Variants in SLC1A1 observed in about 807,000 individuals in gnomAD.
The protein encoded by SLC1A1 is solute carrier family 1 member 1.
Under a neutral mutation model 53.3 loss-of-function variants are expected in SLC1A1, and 43 were observed. The observed-to-expected ratio is 0.81, with a 90% CI of 0.63 to 1.04. The LOEUF (loss-of-function observed/expected upper bound fraction) is 1.04, where lower values mean the gene tolerates loss of function less well. SLC1A1 is among the 50% of genes least tolerant of loss of function. The pLI is 0.00. For synonymous variants in SLC1A1, 307 were observed against 243.2 expected, an observed-to-expected ratio of 1.26 and a Z score of -2.44; for missense variants, 748 against 664.9, an observed-to-expected ratio of 1.12 and a Z score of -1.37.
chr9:4,585,961 T>C lies in SLC1A1; in HGVS notation c.*403T>C, dbSNP rs998510400. The C allele has an allele frequency of 5.0e-6, 1 of 200,026 alleles. No individual in the cohort carries two copies. Among genetic ancestry groups the C allele is most frequent in the South Asian group, 8.5e-5 (1 of 11,758 alleles). The allele number at this position is 200,026 out of a possible 1,614,324, so 12.4% of individuals were successfully genotyped here. On this transcript the variant is annotated 3_prime_UTR_variant, in exon 12 of 12. Transcript: ENST00000262352. ...TACAAATTTTTACTCAGGCTTTCTA[T>C]TGGCATGGATTTCCTTTGACCTCTC...
At chr9:4,578,012 G>A (rs930854660) in intron 10 of SLC1A1, among the ~76,000 whole-genome samples, 2 of 152,200 alleles carry the variant, frequency 1.3e-5, no homozygotes, top group African/African-American at 4.8e-5. Context: ...TAAATTGGTG[G>A]GTGGGGCTTA....
At chr9:4,541,319 C>A (rs1193810955) in intron 1 of SLC1A1, among the ~76,000 whole-genome samples, 1 of 152,220 alleles carries the variant, frequency 6.6e-6, no homozygotes, top group Non-Finnish European at 1.5e-5. Flanking sequence ...AAGTTAAGTA[C>A]TTGCTTCTAT....
At chr9:4,542,013 G>C (rs1172622780) in intron 1 of SLC1A1, among the ~76,000 whole-genome samples, 1 of 152,152 alleles carries the variant, frequency 6.6e-6, no homozygotes, top group Non-Finnish European at 1.5e-5. Flanking sequence ...TTGAGACCAA[G>C]ATAAAGCACA....
chr9:4,530,874 C>T (rs914227414), intron 1 of SLC1A1, among the ~76,000 whole-genome samples: 1 of 152,146 alleles, frequency 6.6e-6, no homozygotes, highest in African/African-American at 2.4e-5. Flanking sequence ...TACCTTAAAA[C>T]TTAAACCTAA....
intron 1 of SLC1A1, among the ~76,000 whole-genome samples, chr9:4,522,584 G>C (rs571697101): frequency 1.3e-5 from 2 of 152,130 alleles, no homozygotes; most frequent in Non-Finnish European, 2.9e-5. Context: ...AAATACCGGA[G>C]ACTGGGTAAT....
At chr9:4,536,725 C>T (rs963375973) in intron 1 of SLC1A1, among the ~76,000 whole-genome samples, 21 of 152,152 alleles carry the variant, frequency 1.4e-4, no homozygotes, top group Non-Finnish European at 2.6e-4. Flanking sequence ...ATCATGCTGC[C>T]ATAAAGACAC....
At chr9:4,499,108 G>T (rs552544790) in intron 1 of SLC1A1, among the ~76,000 whole-genome samples, 10 of 147,646 alleles carry the variant, frequency 6.8e-5, no homozygotes, top group Non-Finnish European at 1.2e-4. Context: ...GCAGTGGCAC[G>T]ATCTTGGCTC....
intron 1 of SLC1A1, among the ~76,000 whole-genome samples, chr9:4,540,096 G>GTTTT (rs1564017954): frequency 2.3e-4 from 35 of 152,094 alleles, no homozygotes; most frequent in Non-Finnish European, 4.4e-4. Context: ...AAAAACCCCA[G>GTTTT]TCTCCAACAG....
intron 9 of SLC1A1, 100 bp downstream of exon 9, chr9:4,576,223 T>C: frequency 8.4e-7 from 1 of 1,195,190 alleles, no homozygotes. Flanking sequence ...TTTTTGTAGC[T>C]GTCTTTGAGA....
intron 10 of SLC1A1, among the ~76,000 whole-genome samples, chr9:4,580,105 C>T (rs766054807): frequency 6.6e-5 from 10 of 151,944 alleles, no homozygotes; most frequent in Non-Finnish European, 1.3e-4. Context: ...GTGGCATGTG[C>T]CTGTAGTCCC....
intron 1 of SLC1A1, among the ~76,000 whole-genome samples, chr9:4,532,690 T>A (rs1816520084): frequency 6.6e-6 from 1 of 152,104 alleles, no homozygotes; most frequent in South Asian, 2.1e-4. Flanking sequence ...AGGCCAACAT[T>A]CAAATTCAGG....
rs555072747 is a variant in SLC1A1, at chr9:4,567,059, G to A, written c.484-610G>A. Among the ~76,000 whole-genome samples the A allele has an allele frequency of 2.6e-5, 4 of 152,286 alleles. No homozygotes were observed. The East Asian group carries it at 7.7e-4, about 29-fold the overall frequency. ...GTGTTGGCAGAGCCTGGTAGTGGGG[G>A]ACATTTATGCCTGGTGTAATAATAT... On this transcript the variant is annotated intron_variant, in intron 5 of 11. Coordinates refer to ENST00000262352, the MANE Select transcript of SLC1A1 (RefSeq NM_004170.6).
At position 4,559,181 on chromosome 9, in the gene SLC1A1, G is replaced by T. The variant is rs115705909; in HGVS notation, c.233-2268G>T. Among the ~76,000 whole-genome samples, 899 of 152,060 alleles carry T rather than the reference G, an allele frequency of 5.9e-3. 15 individuals carry two copies. Among genetic ancestry groups the T allele is most frequent in the African/African-American group, 0.02 (844 of 41,450 alleles). ...ATTGTTATCTTTCATTGTCTTACTG[G>T]GAGGAAAAGAAAGACTCTTCAACAC... On this transcript the variant is annotated intron_variant, in intron 2 of 11. Coordinates refer to ENST00000262352, the MANE Select transcript of SLC1A1 (RefSeq NM_004170.6).
intron 1 of SLC1A1, among the ~76,000 whole-genome samples, chr9:4,537,374 A>G (rs1816714511): frequency 9.8e-6 from 1 of 102,188 alleles, no homozygotes; most frequent in South Asian, 2.6e-4. Context: ...CCTGGCTAAC[A>G]AGGTGAAACC....
chr9:4,514,160 TA>T (rs1211416921), intron 1 of SLC1A1, among the ~76,000 whole-genome samples: 5 of 152,184 alleles, frequency 3.3e-5, no homozygotes, highest in Non-Finnish European at 7.4e-5. Context: ...AACTGTACAC[TA>T]AAATAGTCAA....
At chr9:4,499,354 G>A (rs1820556676) in intron 1 of SLC1A1, among the ~76,000 whole-genome samples, 2 of 152,174 alleles carry the variant, frequency 1.3e-5, no homozygotes, top group African/African-American at 2.4e-5. Flanking sequence ...CATATATTAT[G>A]TATCTCCATC....
chr9:4,526,521 G>A (rs1193977662), intron 1 of SLC1A1, among the ~76,000 whole-genome samples: 1 of 152,130 alleles, frequency 6.6e-6, no homozygotes, highest in Non-Finnish European at 1.5e-5. Flanking sequence ...AAGAGAAGAT[G>A]GAATTGGGGA....
chr9:4,498,058 G>C (rs1820499665), intron 1 of SLC1A1, among the ~76,000 whole-genome samples: 1 of 152,168 alleles, frequency 6.6e-6, no homozygotes, highest in Non-Finnish European at 1.5e-5. Flanking sequence ...CTGAGTAATT[G>C]TTGACTTGGG....
At chr9:4,537,602 A>AT (rs1018927107) in intron 1 of SLC1A1, among the ~76,000 whole-genome samples, 1,968 of 38,444 alleles carry the variant, frequency 0.051, 507 homozygotes, top group East Asian at 0.12. Context: ...ATAAAATAAA[A>AT]AAAAAAAAAA....
Sources: allele counts gnomAD v4.1 joint callset (sites outside exome capture counted in the v4.1 genomes callset), GRCh38; gene constraint gnomAD v4.1.1; transcripts MANE v1.5; gene names NCBI Gene and HGNC (gene_info 2026-07-23, HGNC 2026-07-21).